PDE1A: variants seen among roughly 807,000 people sequenced by gnomAD.
The protein encoded by PDE1A is phosphodiesterase 1A, also known as dual specificity calcium/calmodulin-dependent 3',5'-cyclic nucleotide phosphodiesterase 1A.
PDE1A carries 35 observed loss-of-function variants against 61.7 expected under a neutral mutation model. That is an observed-to-expected ratio of 0.57 (90% CI 0.43 to 0.75). The LOEUF (loss-of-function observed/expected upper bound fraction) is 0.75, where lower values mean the gene tolerates loss of function less well. PDE1A is among the 30% of genes least tolerant of loss of function. PDE1A has a pLI of 0.00. For missense variants in PDE1A, 597 were observed against 630.6 expected, an observed-to-expected ratio of 0.95 and a Z score of 0.57; for synonymous variants, 232 against 213.2, an observed-to-expected ratio of 1.09 and a Z score of -0.77.
At position 182,390,643 on chromosome 2, in the gene PDE1A, C is replaced by G. The variant is rs150024707; in HGVS notation, c.53+35935G>C. Among the ~76,000 whole-genome samples, 244 of 152,304 alleles carry G rather than the reference C, an allele frequency of 1.6e-3. 4 individuals carry two copies. The highest frequency in any genetic ancestry group is 2.5e-3 in the East Asian group (13 of 5,182). On this transcript the variant is annotated intron_variant, in intron 1 of 13. Transcript: ENST00000351439. Reference sequence around the variant, plus strand: ...GGCTGACATTGTGGAAAATCAGACACAAGCCCTTATCGTGTGAGTGGCTGA... The same window carrying G: ...GGCTGACATTGTGGAAAATCAGACAGAAGCCCTTATCGTGTGAGTGGCTGA...
chr2:182,594,285 C>T, the PDE1A span, among the ~76,000 whole-genome samples: 1 of 152,190 alleles, frequency 6.6e-6, no homozygotes, highest in African/African-American at 2.4e-5. Flanking sequence ...AAGCTTACAA[C>T]TCTCTAATCT....
the PDE1A span, among the ~76,000 whole-genome samples, chr2:182,555,525 T>C: frequency 1.3e-5 from 2 of 152,228 alleles, no homozygotes; most frequent in East Asian, 1.9e-4. Flanking sequence ...ATCTTAAAAA[T>C]CACATAACCC....
At chr2:182,152,909 G>C (rs1031412034) in intron 13 of PDE1A, among the ~76,000 whole-genome samples, 5 of 152,132 alleles carry the variant, frequency 3.3e-5, no homozygotes, top group Admixed American at 2.0e-4. Flanking sequence ...TGTAAAATTA[G>C]AGCAAGTAAT....
chr2:182,690,766 T>C, the PDE1A span, among the ~76,000 whole-genome samples: 1 of 152,222 alleles, frequency 6.6e-6, no homozygotes, highest in Admixed American at 6.5e-5. Flanking sequence ...GACATGATTG[T>C]ATATCTAGAA....
At chr2:182,657,698 T>C in the PDE1A span, among the ~76,000 whole-genome samples, 6 of 152,138 alleles carry the variant, frequency 3.9e-5, no homozygotes, top group East Asian at 1.9e-4. Context: ...AAAATAAATA[T>C]TAATAATGAA....
chr2:182,629,935 G>A, the PDE1A span, among the ~76,000 whole-genome samples: 1 of 152,138 alleles, frequency 6.6e-6, no homozygotes, highest in African/African-American at 2.4e-5. Flanking sequence ...GGTTTGGCCA[G>A]TGTGTGAGGT....
intron 2 of PDE1A, among the ~76,000 whole-genome samples, chr2:182,458,556 C>T (rs1686071589): frequency 6.6e-6 from 1 of 151,992 alleles, no homozygotes; most frequent in Non-Finnish European, 1.5e-5. Context: ...ATTAAATCTT[C>T]CCAATAATGC....
At chr2:182,628,172 G>A in the PDE1A span, among the ~76,000 whole-genome samples, 493 of 152,086 alleles carry the variant, frequency 3.2e-3, 4 homozygotes, top group Non-Finnish European at 5.3e-3. Flanking sequence ...GCCAGAATCC[G>A]ATTATTGTTA....
intron 12 of PDE1A, 29 bp from the exon 13 acceptor site, chr2:182,186,108 A>G (rs1685182294): frequency 1.2e-6 from 2 of 1,607,866 alleles, no homozygotes; most frequent in East Asian, 2.2e-5. Context: ...GAAACCAAAA[A>G]ACACCATCAG....
At chr2:182,483,148 G>A (rs560076931) in intron 2 of PDE1A, among the ~76,000 whole-genome samples, 4 of 152,016 alleles carry the variant, frequency 2.6e-5, no homozygotes, top group Admixed American at 2.6e-4. Context: ...AATCATAGCT[G>A]TATACTTACA....
chr2:182,579,637 T>TAAGTCTGAAAGGAGAAC, the PDE1A span, among the ~76,000 whole-genome samples: 12 of 152,104 alleles, frequency 7.9e-5, no homozygotes, highest in Non-Finnish European at 1.0e-4. Flanking sequence ...ATTGTTGGCA[T>TAAGTCTGAAAGGAGAAC]AAGTCTGAAA....
chr2:182,343,362 A>G (rs1698318775), intron 1 of PDE1A, among the ~76,000 whole-genome samples: 1 of 152,214 alleles, frequency 6.6e-6, no homozygotes, highest in Admixed American at 6.5e-5. Context: ...ACAGCACTAT[A>G]CCAACTAACC....
At chr2:182,644,128 T>TACACACACACACACACACACAC in the PDE1A span, among the ~76,000 whole-genome samples, 421 of 129,512 alleles carry the variant, frequency 3.3e-3, 4 homozygotes, top group Non-Finnish European at 4.8e-3. Flanking sequence ...AATCAATGAT[T>TACACACACACACACACACACAC]ACACACACAC....
chr2:182,606,468 G>A, the PDE1A span, among the ~76,000 whole-genome samples: 82 of 152,270 alleles, frequency 5.4e-4, no homozygotes, highest in African/African-American at 1.9e-3. Context: ...GTGAGCCACC[G>A]TGCCCAGCCT....
intron 13 of PDE1A, among the ~76,000 whole-genome samples, chr2:182,149,134 A>T (rs1033961238): frequency 6.6e-6 from 1 of 152,334 alleles, no homozygotes; most frequent in East Asian, 1.9e-4. Context: ...CTAGAATAGA[A>T]CAGAACATAG....
At chr2:182,619,044 C>A in the PDE1A span, among the ~76,000 whole-genome samples, 47 of 146,750 alleles carry the variant, frequency 3.2e-4, no homozygotes, top group African/African-American at 1.0e-3. Context: ...AAAAAAAAAA[C>A]AAAAATAGGC....
Position 182,277,647 on chromosome 2 carries a change from G to T in PDE1A, c.54-13233C>A, listed in dbSNP as rs1019309112. On this transcript the variant is annotated intron_variant, in intron 1 of 13. Coordinates refer to ENST00000351439, the Ensembl canonical transcript of PDE1A. ...ATGTACTAAACAACAACAAAAAATTGCCCTAGGTTGTCTTTAAGGAATTCT... is the reference window on the plus strand; with the variant it reads ...ATGTACTAAACAACAACAAAAAATTTCCCTAGGTTGTCTTTAAGGAATTCT... Among the ~76,000 whole-genome samples the T allele has an allele frequency of 4.3e-4, 65 of 151,956 alleles. 1 individual carries two copies.
At chr2:182,676,876 A>G in the PDE1A span, among the ~76,000 whole-genome samples, 4 of 152,226 alleles carry the variant, frequency 2.6e-5, no homozygotes, top group Non-Finnish European at 4.4e-5. Flanking sequence ...CATTCATGTT[A>G]AAAACTTTCA....
intron 2 of PDE1A, among the ~76,000 whole-genome samples, chr2:182,497,178 A>G (rs1250225079): frequency 1.3e-5 from 2 of 152,256 alleles, no homozygotes; most frequent in African/African-American, 4.8e-5. Context: ...ACATGACAGT[A>G]AAAACAAAAC....
Sources: gnomAD v4.1 joint callset for allele counts (sites outside exome capture counted in the v4.1 genomes callset) on GRCh38, gnomAD v4.1.1 for gene constraint, MANE v1.5 for transcripts, NCBI Gene and HGNC (gene_info 2026-07-23, HGNC 2026-07-21) for gene names.